Variants in ULK4 observed in about 807,000 individuals in gnomAD.
ULK4 encodes the protein unc-51 like kinase 4, also known as inactive serine/threonine-protein kinase ULK4.
ULK4 carries 133 observed loss-of-function variants against 160.6 expected under a neutral mutation model. The observed-to-expected ratio is 0.83, with a 90% CI of 0.72 to 0.96. The LOEUF (loss-of-function observed/expected upper bound fraction) is 0.96. Among genes scored for constraint, ULK4 ranks in the 40% least tolerant of loss-of-function variants. ULK4 has a pLI of 0.00. For missense variants in ULK4, 1,580 were observed against 1,499.5 expected (o/e 1.05, Z -0.89); for synonymous variants, 534 against 539.8 (o/e 0.99, Z 0.15).
chr3:41,592,510 G>A (rs772578215), intron 31 of ULK4, among the ~76,000 whole-genome samples: 2 of 152,164 alleles, frequency 1.3e-5, no homozygotes, highest in Non-Finnish European at 2.9e-5. Context: ...CAGATCACCT[G>A]AGAACTTACT....
intron 32 of ULK4, among the ~76,000 whole-genome samples, chr3:41,546,653 A>T (rs560119205): frequency 9.9e-5 from 15 of 151,158 alleles, no homozygotes; most frequent in African/African-American, 3.4e-4. Context: ...CTCCTCTCTT[A>T]TACTCTGCCC....
At chr3:41,858,477 T>G (rs979777416) in intron 17 of ULK4, among the ~76,000 whole-genome samples, 3 of 151,250 alleles carry the variant, frequency 2.0e-5, no homozygotes, top group Non-Finnish European at 2.9e-5. Context: ...TATGCTGTAT[T>G]TACATTATCA....
Position 41,696,637 on chromosome 3 carries a change from G to A in ULK4, c.2781+8420C>T, listed in dbSNP as rs546530414. 5.9e-5 allele frequency among the ~76,000 whole-genome samples: 9 copies of A among 152,086 alleles called. No homozygotes were observed. The East Asian group carries it at 1.2e-3, about 20-fold the overall frequency. ...TCTACAATCTCTTGCCTCCACACACGGCAAGAAAAACCCACCGACCCTGTG... is the reference window on the plus strand; with the variant it reads ...TCTACAATCTCTTGCCTCCACACACAGCAAGAAAAACCCACCGACCCTGTG... On this transcript the variant is annotated intron_variant, in intron 27 of 36. Coordinates refer to ENST00000301831, the MANE Select transcript of ULK4 (RefSeq NM_017886.4).
chr3:41,651,457 T>C (rs2034738100), intron 30 of ULK4, among the ~76,000 whole-genome samples: 1 of 152,204 alleles, frequency 6.6e-6, no homozygotes, highest in Non-Finnish European at 1.5e-5. Context: ...TTGTTTATTG[T>C]CTAGTATATA....
chr3:41,862,912 A>T (rs989255816), intron 17 of ULK4, among the ~76,000 whole-genome samples: 1 of 151,716 alleles, frequency 6.6e-6, no homozygotes, highest in African/African-American at 2.4e-5. Flanking sequence ...GTCAGACCTG[A>T]GAAGTGCTAG....
At chr3:41,564,932 C>A (rs954688144) in intron 32 of ULK4, among the ~76,000 whole-genome samples, 1 of 152,154 alleles carries the variant, frequency 6.6e-6, no homozygotes, top group East Asian at 1.9e-4. Flanking sequence ...GTGCCCTATA[C>A]AGGTGTATCA....
intron 32 of ULK4, among the ~76,000 whole-genome samples, chr3:41,487,697 A>G (rs2084590930): frequency 6.6e-6 from 1 of 152,218 alleles, no homozygotes; most frequent in Admixed American, 6.5e-5. Flanking sequence ...CCCAGCCAGA[A>G]TAAGGCTCTA....
At chr3:41,824,461 G>A (rs543871884) in intron 18 of ULK4, among the ~76,000 whole-genome samples, 40 of 152,178 alleles carry the variant, frequency 2.6e-4, no homozygotes, top group African/African-American at 7.5e-4. Flanking sequence ...CGGGTCACTC[G>A]CACCCTAATA....
intron 32 of ULK4, among the ~76,000 whole-genome samples, chr3:41,536,932 T>G (rs1158559389): frequency 6.6e-6 from 1 of 152,228 alleles, no homozygotes. Flanking sequence ...TTGCTTTAGT[T>G]TCAGTGCCCA....
Position 41,706,898 on chromosome 3 carries a change from TATAG to T in ULK4, c.2635-1597_2635-1594del, listed in dbSNP as rs1476517587. ...GTGTGTGTGTGTGTGTGTATATATA[TATAG>T]AGAGAGAGAGAGAATAGAATCTATG... On this transcript the variant is annotated intron_variant, in intron 25 of 36. Transcript: ENST00000301831. 1.5e-4 allele frequency among the ~76,000 whole-genome samples: 19 copies of T among 126,896 alleles called. 1 individual carries two copies. The South Asian group carries it at 2.1e-3, about 14-fold the overall frequency. The allele number at this position is 126,896 out of a possible 152,430, so 83.2% of individuals were successfully genotyped here. A position where few individuals can be genotyped will look rare whatever the true frequency, so the allele number is the denominator to read the frequency against.
intron 21 of ULK4, among the ~76,000 whole-genome samples, chr3:41,763,720 C>A (rs958909972): frequency 1.3e-5 from 2 of 152,240 alleles, no homozygotes; most frequent in Admixed American, 6.5e-5. Context: ...TATACACCTG[C>A]CAGGAGGATT....
At chr3:41,484,930 A>G (rs932770333) in intron 32 of ULK4, among the ~76,000 whole-genome samples, 8 of 152,354 alleles carry the variant, frequency 5.3e-5, no homozygotes, top group African/African-American at 1.9e-4. Flanking sequence ...AATTTTCAAT[A>G]AAGATGTATG....
At chr3:41,926,809 T>A (rs1699403439) in intron 5 of ULK4, among the ~76,000 whole-genome samples, 2 of 149,926 alleles carry the variant, frequency 1.3e-5, no homozygotes, top group Admixed American at 6.6e-5. Context: ...AAAAAAAGAA[T>A]GAAAAGGAAC....
chr3:41,918,346 T>C (rs1367927633), intron 7 of ULK4, 111 bp downstream of exon 7: 3 of 651,884 alleles, frequency 4.6e-6, no homozygotes, highest in African/African-American at 1.9e-5. Flanking sequence ...GGATCATTTA[T>C]AAAAGATAAC....
chr3:41,270,157 AAACTACCTGCTCAAAC>A (rs1299443083), intron 35 of ULK4, among the ~76,000 whole-genome samples: 1 of 152,216 alleles, frequency 6.6e-6, no homozygotes, highest in African/African-American at 2.4e-5. Flanking sequence ...TATGAAATAA[AAACTACCTGCTCAAAC>A]ACAAGGCCCA....
chr3:41,840,648 T>C (rs2041888392), intron 17 of ULK4, among the ~76,000 whole-genome samples: 1 of 152,216 alleles, frequency 6.6e-6, no homozygotes. Flanking sequence ...GGTGCTGGGA[T>C]TGCAGACGGA....
intron 32 of ULK4, among the ~76,000 whole-genome samples, chr3:41,564,475 TGAG>T (rs2087718508): frequency 1.1e-5 from 1 of 88,616 alleles, no homozygotes; most frequent in Non-Finnish European, 2.4e-5. Flanking sequence ...TTTTTTTTTT[TGAG>T]ACAGTGTCTC....
intron 32 of ULK4, among the ~76,000 whole-genome samples, chr3:41,524,307 A>G (rs1311956529): frequency 2.0e-5 from 3 of 152,220 alleles, no homozygotes; most frequent in African/African-American, 7.2e-5. Context: ...CAGTGGCTGT[A>G]TGGTAGTGAA....
chr3:41,880,683 G>A (rs1270633804), intron 17 of ULK4, among the ~76,000 whole-genome samples: 1 of 152,106 alleles, frequency 6.6e-6, no homozygotes, highest in Non-Finnish European at 1.5e-5. Context: ...AATACTTTGG[G>A]GAAGCCAAGA....
Sources: gnomAD v4.1 joint callset for allele counts (sites outside exome capture counted in the v4.1 genomes callset) on GRCh38, gnomAD v4.1.1 for gene constraint, MANE v1.5 for transcripts, NCBI Gene and HGNC (gene_info 2026-07-23, HGNC 2026-07-21) for gene names.